The following ZFHX3 variants were observed in gnomAD, a reference collection of about 807,000 sequenced individuals.
ZFHX3 encodes the protein zinc finger homeobox 3.
ZFHX3 carries 42 observed loss-of-function variants against 279.1 expected under a neutral mutation model. The observed-to-expected ratio is 0.15, with a 90% CI of 0.12 to 0.19. The LOEUF (loss-of-function observed/expected upper bound fraction) is 0.19. Ranked by LOEUF, ZFHX3 falls within the 10% of genes least tolerant of loss-of-function variation. The probability of loss-of-function intolerance (pLI) is 1.00; values close to 1 mark genes in which losing one functional copy is unlikely to be tolerated. For missense variants in ZFHX3, 4,981 were observed against 4,754.0 expected (o/e 1.05, Z -1.40); for synonymous variants, 2,293 against 1,957.8 (o/e 1.17, Z -4.52).
chr16:73,325,327 T>G (rs1254153880), intron 3 of ZFHX3, among the ~76,000 whole-genome samples: 1 of 152,182 alleles, frequency 6.6e-6, no homozygotes, highest in Non-Finnish European at 1.5e-5. Context: ...GTGCTCTGTA[T>G]TAAGATTGCC....
At chr16:73,375,275 G>A (rs1049296402) in intron 3 of ZFHX3, among the ~76,000 whole-genome samples, 17 of 152,078 alleles carry the variant, frequency 1.1e-4, no homozygotes, top group Admixed American at 4.6e-4. Context: ...ATTTTGTGTC[G>A]TCTTTGGCTG....
In ZFHX3 at chr16:73,107,037, C is replaced by T. The variant is rs116116354; in HGVS notation, c.-896-13439G>A. Among the ~76,000 whole-genome samples the T allele has an allele frequency of 8.4e-3, 1,286 of 152,318 alleles. 21 individuals are homozygous for T. The highest frequency in any genetic ancestry group is 0.03 in the African/African-American group (1,233 of 41,566). ...ATTTTAAAAATCATTCCTCTCTAGG[C>T]TGGGTGCAGTGCCTCATGCCTATAA... On this transcript the variant is annotated intron_variant, in intron 7 of 17. Transcript: ENST00000641206.
chr16:73,337,886 C>T (rs1201417568), intron 3 of ZFHX3, among the ~76,000 whole-genome samples: 1 of 50,000 alleles, frequency 2.0e-5, no homozygotes, highest in Non-Finnish European at 8.8e-5. Flanking sequence ...CTTCATCTTC[C>T]CTTGGCGGGG....
At chr16:73,064,120 G>C (rs1419384467), upstream of ZFHX3, among the ~76,000 whole-genome samples, 2 of 152,052 alleles carry the variant, frequency 1.3e-5, no homozygotes, top group Non-Finnish European at 2.9e-5. Flanking sequence ...GAGTTTTTTG[G>C]TGGGAAAAGA....
chr16:72,960,279 T>A, intron 1 of ZFHX3, 85 bp from the exon 2 acceptor site: 1 of 1,127,090 alleles, frequency 8.9e-7, no homozygotes, highest in Non-Finnish European at 1.2e-6. Context: ...GAGGCTGAGG[T>A]CCTACCGCAC....
intron 1 of ZFHX3, among the ~76,000 whole-genome samples, chr16:73,837,057 T>G (rs1401761250): frequency 6.6e-6 from 1 of 152,194 alleles, no homozygotes; most frequent in East Asian, 1.9e-4. Flanking sequence ...TAAACTTATT[T>G]TCTTTAGAAA....
chr16:73,491,361 C>T (rs2019053023), intron 2 of ZFHX3, among the ~76,000 whole-genome samples: 1 of 152,206 alleles, frequency 6.6e-6, no homozygotes, highest in African/African-American at 2.4e-5. Context: ...CACATGGCTT[C>T]AATTCACTGC....
intron 1 of ZFHX3, among the ~76,000 whole-genome samples, chr16:73,696,956 A>G (rs758072803): frequency 6.6e-6 from 1 of 152,224 alleles, no homozygotes; most frequent in Non-Finnish European, 1.5e-5. Flanking sequence ...TAATTCTAAT[A>G]GCATCTGTTT....
At position 73,295,610 on chromosome 16, in the gene ZFHX3, C is replaced by A. The variant is rs546609036; in HGVS notation, c.-1194+22630G>T. On this transcript the variant is annotated intron_variant, in intron 4 of 17. Coordinates refer to the ZFHX3 transcript ENST00000641206. Reference sequence around the variant, plus strand: ...TTGTAGAACTGGGTAAGAACGTTTACGATGTCAGCAAGTCCATTTGATTTT... The same window carrying A: ...TTGTAGAACTGGGTAAGAACGTTTAAGATGTCAGCAAGTCCATTTGATTTT... Among the ~76,000 whole-genome samples, 18 of 152,270 alleles carry A rather than the reference C, an allele frequency of 1.2e-4. 1 individual carries two copies. Among genetic ancestry groups the A allele is most frequent in the Non-Finnish European group, 1.5e-4 (10 of 68,034 alleles).
At chr16:73,505,418 C>A (rs1346323764) in intron 2 of ZFHX3, among the ~76,000 whole-genome samples, 1 of 152,078 alleles carries the variant, frequency 6.6e-6, no homozygotes, top group East Asian at 1.9e-4. Context: ...TTCCCCCTAC[C>A]CCCTTCAATG....
chr16:73,559,261 T>C (rs2020334298), intron 2 of ZFHX3, among the ~76,000 whole-genome samples: 1 of 152,132 alleles, frequency 6.6e-6, no homozygotes, highest in Non-Finnish European at 1.5e-5. Context: ...TTTCCCAGGC[T>C]GGTCTCAAAC....
chr16:73,639,638 T>C (rs2142154979), intron 2 of ZFHX3, among the ~76,000 whole-genome samples: 1 of 152,320 alleles, frequency 6.6e-6, no homozygotes, highest in South Asian at 2.1e-4. Flanking sequence ...ATAAATTTAA[T>C]GGCATTAAAA....
intron 3 of ZFHX3, among the ~76,000 whole-genome samples, chr16:72,918,113 G>A (rs2039486826): frequency 6.6e-6 from 1 of 152,068 alleles, no homozygotes; most frequent in Non-Finnish European, 1.5e-5. Context: ...CTATATCAAG[G>A]AAAGGGACAG....
chr16:73,127,248 G>A (rs1966584561), intron 7 of ZFHX3: 1 of 1,041,706 alleles, frequency 9.6e-7, no homozygotes, highest in South Asian at 1.5e-5. Context: ...ATCGATCAGA[G>A]CTAAAGGCTG....
At chr16:73,093,164 T>C (rs753090118) in intron 8 of ZFHX3, 1 of 519,980 alleles carries the variant, frequency 1.9e-6, no homozygotes, top group Non-Finnish European at 3.8e-6. Flanking sequence ...AGCCCTCACC[T>C]CCAGCAGAGG....
chr16:73,520,275 G>T (rs150135821), intron 2 of ZFHX3, among the ~76,000 whole-genome samples: 2 of 152,138 alleles, frequency 1.3e-5, no homozygotes, highest in African/African-American at 4.8e-5. Flanking sequence ...CTCATTTTCT[G>T]AACTTTCCAT....
chr16:73,260,331 G>C (rs931396422), intron 4 of ZFHX3, among the ~76,000 whole-genome samples: 1 of 152,068 alleles, frequency 6.6e-6, no homozygotes, highest in African/African-American at 2.4e-5. Flanking sequence ...TTTGTAATTG[G>C]TAAGTATCTT....
intron 1 of ZFHX3, among the ~76,000 whole-genome samples, chr16:73,699,115 C>T (rs1354855913): frequency 6.6e-6 from 1 of 152,130 alleles, no homozygotes; most frequent in Non-Finnish European, 1.5e-5. Flanking sequence ...AGTCTCCTGA[C>T]TTCGTGATCC....
intron 5 of ZFHX3, among the ~76,000 whole-genome samples, chr16:73,175,971 T>C (rs1056234285): frequency 6.6e-6 from 1 of 152,236 alleles, no homozygotes; most frequent in Non-Finnish European, 1.5e-5. Context: ...CATAAATGAA[T>C]GAATGTAACT....
Sources: allele counts gnomAD v4.1 joint callset (sites outside exome capture counted in the v4.1 genomes callset), GRCh38; gene constraint gnomAD v4.1.1; transcripts MANE v1.5; gene names NCBI Gene and HGNC (gene_info 2026-07-23, HGNC 2026-07-21).